The following GGCX variants were observed in gnomAD, a reference collection of about 807,000 sequenced individuals.
GGCX encodes vitamin K-dependent gamma-carboxylase.
Under a neutral mutation model 88.5 loss-of-function variants are expected in GGCX, and 63 were observed. The observed-to-expected ratio is 0.71, with a 90% confidence interval of 0.58 to 0.88. The LOEUF (loss-of-function observed/expected upper bound fraction) is 0.88, where lower values mean the gene tolerates loss of function less well. Ranked by LOEUF, GGCX falls within the 40% of genes least tolerant of loss-of-function variation. The pLI is 0.00. For synonymous variants in GGCX, 368 were observed against 365.8 expected (o/e 1.01, Z -0.07); for missense variants, 805 against 932.9 (o/e 0.86, Z 1.79).
At chr2:85,550,372 G>A (rs1691881232) in intron 14 of GGCX, among the ~76,000 whole-genome samples, 183 bp downstream of exon 14, 1 of 152,128 alleles carries the variant, frequency 6.6e-6, no homozygotes, top group African/African-American at 2.4e-5. Context: ...GGCAGAACAA[G>A]AAAGCAGGCC....
At chr2:85,558,410 C>T (rs770850250) in intron 4 of GGCX, 30 bp downstream of exon 4, 3 of 1,600,576 alleles carry the variant, frequency 1.9e-6, no homozygotes, top group East Asian at 2.2e-5. Flanking sequence ...ACCCAGCCAA[C>T]CCCTCCCCTT....
chr2:85,551,073 C>A lies in GGCX; in HGVS notation c.1741-1G>T. ...CCTTATGGTACTCACCAGCAGGCAA[C>A]TGACAAGGGAGAAGAAATGGATAAA... On this transcript the variant is annotated splice_acceptor_variant, in intron 12 of 14. Transcript: ENST00000233838. LOFTEE classifies it high-confidence loss of function. 6.2e-7 allele frequency: 1 copy of A among 1,613,704 alleles called. No individual in the cohort carries two copies. Among genetic ancestry groups the A allele is most frequent in the Non-Finnish European group, 8.5e-7 (1 of 1,179,612 alleles).
chr2:85,557,646 C>A (rs1301643469), intron 4 of GGCX, among the ~76,000 whole-genome samples: 1 of 152,094 alleles, frequency 6.6e-6, no homozygotes. Context: ...GTGGCTCATG[C>A]CTGTAATCCC....
chr2:85,550,550 CT>C lies in GGCX; in HGVS notation c.2084+4del. On this transcript the variant is annotated splice_donor_region_variant and intron_variant, in intron 14 of 14. Coordinates refer to ENST00000233838, the MANE Select transcript of GGCX (RefSeq NM_000821.7). ...TGGCAATGACAAATATTGTTGTGAA[CT>C]TACCTGCGGCGAAAGACATAGAGCT... is the stretch of plus-strand genomic sequence containing the variant. The C allele has an allele frequency of 3.1e-6, 5 of 1,609,186 alleles. No homozygotes were observed. Among genetic ancestry groups the C allele is most frequent in the Non-Finnish European group, 3.4e-6 (4 of 1,175,466 alleles).
At position 85,553,551 on chromosome 2, in the gene GGCX, A is replaced by G; in HGVS notation, c.890-54T>C. On this transcript the variant is annotated intron_variant, in intron 7 of 14. Transcript: ENST00000233838. ...TCAGGAGTTTGGCTGGGCCTCTTCAACCCCGTTCCCTTAGGAGACTTCTCC... is the reference window on the plus strand; with the variant it reads ...TCAGGAGTTTGGCTGGGCCTCTTCAGCCCCGTTCCCTTAGGAGACTTCTCC... 3.8e-6 allele frequency: 6 copies of G among 1,570,310 alleles called. No homozygotes were observed. In the Admixed American group the frequency reaches 1.0e-4, roughly 26 times the overall value.
At position 85,550,879 on chromosome 2, in the gene GGCX, T is replaced by A. The variant is rs1179781893; in HGVS notation, c.1888+46A>T. The A allele has an allele frequency of 1.9e-6, 3 of 1,607,196 alleles. No individual in the cohort carries two copies. In the Admixed American group the frequency reaches 5.0e-5, roughly 27 times the overall value. ...CTAGAACATCATTCATAACCCTGAC[T>A]TCTTGAAACCAGAGGCTATCTCAGC... On this transcript the variant is annotated intron_variant, in intron 13 of 14. Coordinates refer to ENST00000233838, the MANE Select transcript of GGCX (RefSeq NM_000821.7).
In GGCX at chr2:85,561,422, C is replaced by G; in HGVS notation, c.7G>C (p.Val3Leu). The G allele has an allele frequency of 6.4e-7, 1 of 1,573,298 alleles. No homozygotes were observed. Among genetic ancestry groups the G allele is most frequent in the Non-Finnish European group, 8.6e-7 (1 of 1,159,844 alleles). MA[V>L]SAGSARTSPS... ...GAGGTCCGCGCGGACCCGGCAGACA[C>G]CGCCATTGCTCTGCGGAGGAGGCAG... The change falls in exon 1 of 15, where the codon GTG becomes CTG. Residue 3 changes from valine to leucine, a missense_variant. Val to Leu is a conservative substitution (Grantham distance 32). This residue lies in a region of GGCX where 64 missense variants were observed against 57.4 expected (regional missense o/e 1.12). Transcript: ENST00000233838.
In GGCX at chr2:85,552,780, C is replaced by CT. The variant is rs535131947; in HGVS notation, c.1287+158dup. The CT allele has an allele frequency of 3.5e-3, 3,153 of 898,498 alleles. 23 individuals carry two copies. Among genetic ancestry groups the CT allele is most frequent in the South Asian group, 0.013 (988 of 75,914 alleles). The allele number at this position is 898,498 out of a possible 1,614,324, so 55.7% of individuals were successfully genotyped here. A position where few individuals can be genotyped will look rare whatever the true frequency, so the allele number is the denominator to read the frequency against. On this transcript the variant is annotated intron_variant, in intron 9 of 14. Transcript: ENST00000233838. The stretch of plus-strand genomic sequence containing the variant: ...AGTTCAAGGAAATGAATGCATTGCC[C>CT]TATCTCAACCCACATAAAAGATAGT...
At position 85,551,837 on chromosome 2, in the gene GGCX, C is replaced by T. The variant is rs1281260111; in HGVS notation, c.1584G>A (p.Glu528=). ...EIKSSLDNHT[E]VVFIADFPGL... Reference sequence around the variant, plus strand: ...CAGGGAAATCTGCAATGAAGACCACCTCAGTGTGGTTGTCTAGGCTGCTCT... The same window carrying T: ...CAGGGAAATCTGCAATGAAGACCACTTCAGTGTGGTTGTCTAGGCTGCTCT... The change falls in exon 11 of 15, where the codon GAG becomes GAA. Residue 528 remains glutamate, a synonymous_variant. Coordinates refer to ENST00000233838, the MANE Select transcript of GGCX (RefSeq NM_000821.7). The T allele has an allele frequency of 6.2e-7, 1 of 1,613,906 alleles. No homozygotes were observed.
intron 7 of GGCX, 85 bp from the exon 8 acceptor site, chr2:85,553,582 G>A (rs1692074695): frequency 3.8e-6 from 5 of 1,306,262 alleles, no homozygotes; most frequent in Non-Finnish European, 5.5e-6. Flanking sequence ...TCTCCCAGGT[G>A]TTCCACTGAA....
At chr2:85,554,946 T>A (rs1422122198) in intron 6 of GGCX, 1 of 166,490 alleles carries the variant, frequency 6.0e-6, no homozygotes, top group Non-Finnish European at 1.3e-5. Context: ...TTGGCTAACA[T>A]CATAATGAAG....
intron 2 of GGCX, among the ~76,000 whole-genome samples, chr2:85,560,006 C>T (rs1230657455): frequency 6.6e-6 from 1 of 152,164 alleles, no homozygotes; most frequent in Non-Finnish European, 1.5e-5. Flanking sequence ...TATTCTTCCT[C>T]CCCCAAGTTG....
At chr2:85,556,822 A>G (rs375999582) in intron 4 of GGCX, among the ~76,000 whole-genome samples, 5 of 152,326 alleles carry the variant, frequency 3.3e-5, no homozygotes, top group African/African-American at 1.2e-4. Flanking sequence ...GTTTTCAAGA[A>G]GTAGAAGCTG....
Position 85,561,057 on chromosome 2 carries a change from C to G in GGCX, c.44-72G>C. The G allele has an allele frequency of 3.9e-6, 5 of 1,295,850 alleles. No individual in the cohort carries two copies. The East Asian group carries it at 9.2e-5, about 24-fold the overall frequency. The allele number at this position is 1,295,850 out of a possible 1,614,324, so 80.3% of individuals were successfully genotyped here. ...CCTCAAATCAAAGAAATCACTGCAC[C>G]AACAGCTCAGAGCTTCCGCCCACCC... On this transcript the variant is annotated intron_variant, in intron 1 of 14. Transcript: ENST00000233838.
At chr2:85,553,544 C>T (rs1277633962) in intron 7 of GGCX, 47 bp from the exon 8 acceptor site, 1 of 1,583,562 alleles carries the variant, frequency 6.3e-7, no homozygotes, top group East Asian at 2.2e-5. Context: ...TTGGCTGGGC[C>T]TCTTCAACCC....
chr2:85,554,453 G>GC, intron 6 of GGCX, 147 bp from the exon 7 acceptor site: 2 of 565,396 alleles, frequency 3.5e-6, no homozygotes, highest in Non-Finnish European at 6.4e-6. Context: ...CCTCTAGGTT[G>GC]TTTGTTGTTG....
rs1226629925 is a variant in GGCX, at chr2:85,547,318, G to A, written c.*2616C>T. On this transcript the variant is annotated 3_prime_UTR_variant, in exon 15 of 15. Transcript: ENST00000233838. ...AGGAGGATGTATACTAAAGTCTTTTGGCTAAAAGGACATTGATAGCCCATT... is the reference window on the plus strand; with the variant it reads ...AGGAGGATGTATACTAAAGTCTTTTAGCTAAAAGGACATTGATAGCCCATT... 1.3e-5 allele frequency: 2 copies of A among 152,260 alleles called. No individual in the cohort carries two copies. The highest frequency in any genetic ancestry group is 2.4e-5 in the African/African-American group (1 of 41,562). 9.4% of individuals were successfully genotyped at this position (152,260 alleles called of 1,614,324 possible).
Position 85,561,445 on chromosome 2 carries a change from C to G in GGCX, c.-17G>C, listed in dbSNP as rs1316639261. 1 of 1,563,628 alleles carries G rather than the reference C, an allele frequency of 6.4e-7. No individual in the cohort carries two copies. The highest frequency in any genetic ancestry group is 8.7e-7 in the Non-Finnish European group (1 of 1,152,786). Reference sequence around the variant, plus strand: ...CACCGCCATTGCTCTGCGGAGGAGGCAGGTGGGTCACAGCTGCCGCGTCTG... The same window carrying G: ...CACCGCCATTGCTCTGCGGAGGAGGGAGGTGGGTCACAGCTGCCGCGTCTG... On this transcript the variant is annotated 5_prime_UTR_variant, in exon 1 of 15. Coordinates refer to ENST00000233838, the MANE Select transcript of GGCX (RefSeq NM_000821.7).
intron 12 of GGCX, 56 bp downstream of exon 12, chr2:85,551,424 C>T: frequency 6.3e-7 from 1 of 1,578,414 alleles, no homozygotes; most frequent in Non-Finnish European, 8.7e-7. Flanking sequence ...GCTGGGATTA[C>T]TGGTGTGAGC....
Sources: allele counts gnomAD v4.1 joint callset (sites outside exome capture counted in the v4.1 genomes callset), GRCh38; gene constraint gnomAD v4.1.1; regional missense constraint gnomAD v4.1.1; transcripts MANE v1.5; gene names NCBI Gene and HGNC (gene_info 2026-07-23, HGNC 2026-07-21).